Variants in SORBS2 observed in about 807,000 individuals in gnomAD.
SORBS2 encodes the protein sorbin and SH3 domain-containing protein 2.
A neutral mutation model predicts 97.7 loss-of-function variants in SORBS2; 46 were observed. The ratio of observed to expected loss-of-function variants is 0.47; its 90% confidence interval spans 0.37 to 0.60. SORBS2 has a LOEUF of 0.60. Ranked by LOEUF, SORBS2 falls within the 20% of genes least tolerant of loss-of-function variation. The probability of loss-of-function intolerance (pLI) is 0.00; values close to 1 mark genes in which losing one functional copy is unlikely to be tolerated. For missense variants in SORBS2, 1,316 were observed against 1,282.3 expected (o/e 1.03, Z -0.40); for synonymous variants, 476 against 473.4 (o/e 1.01, Z -0.07).
At chr4:185,904,752 G>A (rs1168041562) in intron 1 of SORBS2, among the ~76,000 whole-genome samples, 1 of 152,176 alleles carries the variant, frequency 6.6e-6, no homozygotes, top group Non-Finnish European at 1.5e-5. Flanking sequence ...GGGAGTTATG[G>A]CAAAGCTCAG....
At chr4:185,656,586 G>T in intron 1 of SORBS2, 1 of 1,486,210 alleles carries the variant, frequency 6.7e-7, no homozygotes, top group Non-Finnish European at 9.2e-7. Context: ...TGCAGCTGCA[G>T]TCCCTCCCCG....
At chr4:185,629,070 A>G (rs1383028438) in intron 5 of SORBS2, among the ~76,000 whole-genome samples, 1 of 152,208 alleles carries the variant, frequency 6.6e-6, no homozygotes, top group Non-Finnish European at 1.5e-5. Flanking sequence ...TGTCTTATTT[A>G]GCCCACACAG....
chr4:185,775,093 T>C (rs542404217), intron 2 of SORBS2, 134 bp downstream of exon 2: 1 of 152,502 alleles, frequency 6.6e-6, no homozygotes, highest in South Asian at 2.1e-4. Flanking sequence ...CCTGCTGTAT[T>C]CTGGAACACC....
At chr4:185,617,134 G>C (rs1332843804) in intron 9 of SORBS2, among the ~76,000 whole-genome samples, 1 of 152,124 alleles carries the variant, frequency 6.6e-6, no homozygotes, top group Non-Finnish European at 1.5e-5. Flanking sequence ...CATTCCTCAG[G>C]TTTTTATATA....
Position 185,830,448 on chromosome 4 carries a change from T to C in SORBS2, c.-337-55082A>G, listed in dbSNP as rs945754608. ...TGATTTTGAGTCTGCAAATAGAAAA[T>C]GGTTATGGAAGGAAGCAGCTGAACA... On this transcript the variant is annotated intron_variant, in intron 1 of 20. Transcript: ENST00000284776. Among the ~76,000 whole-genome samples, 3 of 152,062 alleles carry C rather than the reference T, an allele frequency of 2.0e-5. No homozygotes were observed. In the South Asian group the frequency reaches 6.2e-4, roughly 31 times the overall value.
intron 2 of SORBS2, among the ~76,000 whole-genome samples, chr4:185,736,695 A>AAC (rs1191176456): frequency 6.6e-6 from 1 of 152,104 alleles, no homozygotes; most frequent in African/African-American, 2.4e-5. Context: ...GGGCCACTGG[A>AAC]ACACAACCCA....
chr4:185,947,089 G>T (rs1257331325), intron 1 of SORBS2, among the ~76,000 whole-genome samples: 1 of 152,336 alleles, frequency 6.6e-6, no homozygotes, highest in Non-Finnish European at 1.5e-5. Flanking sequence ...TGTCTCCGCA[G>T]TTCATGGCCC....
intron 2 of SORBS2, among the ~76,000 whole-genome samples, chr4:185,760,827 C>T (rs985718023): frequency 4.6e-5 from 7 of 152,166 alleles, no homozygotes; most frequent in Non-Finnish European, 8.8e-5. Context: ...GCTTTGTTGC[C>T]AATTTCAAGA....
intron 4 of SORBS2, among the ~76,000 whole-genome samples, chr4:185,633,960 C>T (rs1365847843): frequency 6.6e-6 from 1 of 152,102 alleles, no homozygotes; most frequent in Non-Finnish European, 1.5e-5. Context: ...TGAAATAAGA[C>T]TCTTTCTGCA....
intron 11 of SORBS2, among the ~76,000 whole-genome samples, chr4:185,612,196 C>T (rs10019065): frequency 0.4 from 60,779 of 152,084 alleles, 13,574 homozygotes; most frequent in African/African-American, 0.6. Flanking sequence ...TTCAGGCCAT[C>T]AGAATCTTCC....
intron 1 of SORBS2, among the ~76,000 whole-genome samples, chr4:185,946,042 A>G (rs1288637605): frequency 1.3e-5 from 2 of 152,214 alleles, no homozygotes; most frequent in South Asian, 2.1e-4. Flanking sequence ...ATAAAGGGCT[A>G]TCTTTAAAAA....
intron 1 of SORBS2, among the ~76,000 whole-genome samples, chr4:185,927,154 A>C (rs1211326734): frequency 1.3e-5 from 2 of 148,914 alleles, no homozygotes; most frequent in Non-Finnish European, 3.0e-5. Context: ...ACAACAATAC[A>C]TTTACATACA....
chr4:185,874,310 C>A (rs540725552), intron 1 of SORBS2, among the ~76,000 whole-genome samples: 82 of 152,124 alleles, frequency 5.4e-4, no homozygotes, highest in Admixed American at 7.2e-4. Flanking sequence ...AACAGGCATG[C>A]ATAACTCGAG....
chr4:185,602,802 G>A (rs1162763591), intron 12 of SORBS2, among the ~76,000 whole-genome samples: 1 of 152,104 alleles, frequency 6.6e-6, no homozygotes, highest in Admixed American at 6.5e-5. Flanking sequence ...CTAAAATTAC[G>A]AGTTGATTCA....
exon 15 of SORBS2, chr4:185,586,934 G>C (rs182557294): frequency 6.2e-4 from 95 of 152,662 alleles, no homozygotes; most frequent in African/African-American, 2.2e-3. Context: ...TTTACTTACT[G>C]TTTGCACTTC....
intron 2 of SORBS2, among the ~76,000 whole-genome samples, chr4:185,740,652 TTAACTCAGCCCAACAC>T (rs1466373813): frequency 1.3e-5 from 2 of 148,728 alleles, no homozygotes; most frequent in African/African-American, 2.5e-5. Context: ...CAGCCCAATA[TTAACTCAGCCCAACAC>T]TAACTCAGCC....
chr4:185,940,637 C>T (rs10033624), intron 1 of SORBS2, among the ~76,000 whole-genome samples: 17,303 of 152,202 alleles, frequency 0.11, 1,276 homozygotes, highest in Middle Eastern at 0.21. Context: ...CAGACTCTGA[C>T]CCCACCTACT....
intron 12 of SORBS2, among the ~76,000 whole-genome samples, chr4:185,601,453 A>T (rs66841232): frequency 0.098 from 14,838 of 152,176 alleles, 806 homozygotes; most frequent in East Asian, 0.21. Flanking sequence ...TCGAGCTGCC[A>T]CCTGGGACCC....
At chr4:185,639,297 G>C (rs978774719) in intron 4 of SORBS2, among the ~76,000 whole-genome samples, 5 of 152,194 alleles carry the variant, frequency 3.3e-5, no homozygotes, top group African/African-American at 9.6e-5. Context: ...TCACAATACC[G>C]TGGATGGCGG....
Sources: gnomAD v4.1 joint callset for allele counts (sites outside exome capture counted in the v4.1 genomes callset) on GRCh38, gnomAD v4.1.1 for gene constraint, MANE v1.5 for transcripts, NCBI Gene and HGNC (gene_info 2026-07-23, HGNC 2026-07-21) for gene names.